The following USP4 variants were observed in gnomAD, a reference collection of about 807,000 sequenced individuals.
The protein encoded by USP4 is ubiquitin specific peptidase 4, also known as ubiquitin carboxyl-terminal hydrolase 4.
Under a neutral mutation model 118.2 loss-of-function variants are expected in USP4, and 72 were observed. The observed-to-expected ratio is 0.61, with a 90% CI of 0.50 to 0.74. The LOEUF (loss-of-function observed/expected upper bound fraction) is 0.74. Ranked by LOEUF, USP4 falls within the 30% of genes least tolerant of loss-of-function variation. USP4 has a pLI of 0.00. For synonymous variants in USP4, 415 were observed against 440.4 expected (o/e 0.94, Z 0.72); for missense variants, 1,037 against 1,185.7 (o/e 0.87, Z 1.84).
chr3:49,317,010 A>C (rs903460542), intron 6 of USP4: 42 of 778,708 alleles, frequency 5.4e-5, no homozygotes, highest in Non-Finnish European at 8.7e-5. Context: ...GCCATGAAGA[A>C]GACGCTCTGT....
intron 6 of USP4, among the ~76,000 whole-genome samples, chr3:49,319,868 C>T (rs752037983): frequency 2.6e-5 from 4 of 151,208 alleles, no homozygotes; most frequent in African/African-American, 7.3e-5. Flanking sequence ...CACCCACCTC[C>T]GCCTCCCAAA....
intron 1 of USP4, among the ~76,000 whole-genome samples, chr3:49,335,887 G>C (rs759247908): frequency 1.3e-5 from 2 of 151,936 alleles, no homozygotes; most frequent in Non-Finnish European, 2.9e-5. Context: ...TCTTTTAGAC[G>C]GAGTCTTGTT....
chr3:49,333,390 AG>A (rs771889939), intron 2 of USP4, among the ~76,000 whole-genome samples: 57 of 152,270 alleles, frequency 3.7e-4, no homozygotes, highest in Middle Eastern at 3.4e-3. Flanking sequence ...ACTTAAGTCC[AG>A]GAGGTTTACA....
chr3:49,281,491 T>TACACACACACACACACACAC (rs71077782), intron 19 of USP4, among the ~76,000 whole-genome samples: 2 of 126,498 alleles, frequency 1.6e-5, no homozygotes, highest in South Asian at 2.5e-4. Context: ...TATATATATA[T>TACACACACACACACACACAC]ACACACACAC....
chr3:49,324,610 A>T, intron 6 of USP4, 92 bp downstream of exon 6: 2 of 1,197,866 alleles, frequency 1.7e-6, no homozygotes, highest in Non-Finnish European at 2.5e-6. Context: ...CATCTGAATC[A>T]GAACAATTTT....
Position 49,282,650 on chromosome 3 carries a change from G to C in USP4, c.2540+1337C>G, listed in dbSNP as rs552412050. 3.2e-4 allele frequency among the ~76,000 whole-genome samples: 49 copies of C among 151,966 alleles called. No homozygotes were observed. In the South Asian group the frequency reaches 0.01, roughly 32 times the overall value. Reference sequence around the variant, plus strand: ...CTCCTGCTGACATGCTATACTTCATGTATCTATTCTTTCCCCCAGAAAGCA... The same window carrying C: ...CTCCTGCTGACATGCTATACTTCATCTATCTATTCTTTCCCCCAGAAAGCA... On this transcript the variant is annotated intron_variant, in intron 19 of 21. Coordinates refer to ENST00000265560, the MANE Select transcript of USP4 (RefSeq NM_003363.4).
Position 49,318,224 on chromosome 3 carries a change from C to T in USP4, c.695+6478G>A, listed in dbSNP as rs912606037. 12 of 660,988 alleles carry T rather than the reference C, an allele frequency of 1.8e-5. No homozygotes were observed. The African/African-American group carries it at 2.2e-4, about 12-fold the overall frequency. 40.9% of individuals were successfully genotyped at this position (660,988 alleles called of 1,614,324 possible). ...GCTCAAGCAATCTTCCCACATCAGC[C>T]TCTCAAACTGCTGGGATTACAGGCA... On this transcript the variant is annotated intron_variant, in intron 6 of 21. Transcript: ENST00000265560.
At chr3:49,339,029 C>A (rs1467347040) in intron 1 of USP4, among the ~76,000 whole-genome samples, 2 of 152,084 alleles carry the variant, frequency 1.3e-5, no homozygotes, top group Non-Finnish European at 2.9e-5. Context: ...AGCCTGTAAT[C>A]CCAGCTACTC....
In USP4 at chr3:49,294,544, G is replaced by A; in HGVS notation, c.1746C>T (p.Val582=). The change falls in exon 14 of 22, where the codon GTC becomes GTT. Residue 582 remains valine, a synonymous_variant. Transcript: ENST00000265560. ...GCCTGGACTTCCTCTCCCTGAAGTA[G>A]ACTGGAAGCGTGACACATTCCGAGC... is the stretch of plus-strand genomic sequence containing the variant. ...VDGSECVTLP[V]YFRERKSRPS... 3 of 1,614,188 alleles carry A rather than the reference G, an allele frequency of 1.9e-6. No individual in the cohort carries two copies. Among genetic ancestry groups the A allele is most frequent in the Non-Finnish European group, 2.5e-6 (3 of 1,180,028 alleles).
chr3:49,281,748 C>T (rs2047032218), intron 19 of USP4, among the ~76,000 whole-genome samples: 2 of 150,484 alleles, frequency 1.3e-5, no homozygotes, highest in South Asian at 4.2e-4. Flanking sequence ...CACAGTGGCT[C>T]ATGCCTGTAA....
chr3:49,291,472 G>T (rs1352349927), intron 15 of USP4, among the ~76,000 whole-genome samples: 1 of 151,442 alleles, frequency 6.6e-6, no homozygotes, highest in Non-Finnish European at 1.5e-5. Context: ...CTACTTGGGA[G>T]GCTGAGGTAG....
In USP4 at chr3:49,327,831, G is replaced by A. The variant is rs1342973359; in HGVS notation, c.230-15C>T. ...ACTCTCAGGATCTAAAAAAGGAAAA[G>A]AGCACATAAGTCACTGCTCTTTACC... On this transcript the variant is annotated splice_polypyrimidine_tract_variant and intron_variant, in intron 2 of 21. Coordinates refer to ENST00000265560, the MANE Select transcript of USP4 (RefSeq NM_003363.4). 1 of 1,611,976 alleles carries A rather than the reference G, an allele frequency of 6.2e-7. No individual in the cohort carries two copies. Among genetic ancestry groups the A allele is most frequent in the Non-Finnish European group, 8.5e-7 (1 of 1,178,258 alleles).
chr3:49,302,882 A>G (rs2047275629), intron 9 of USP4, among the ~76,000 whole-genome samples: 1 of 152,192 alleles, frequency 6.6e-6, no homozygotes, highest in African/African-American at 2.4e-5. Flanking sequence ...TAAACTCCAT[A>G]AGGACATTAC....
chr3:49,294,548 G>A lies in USP4; in HGVS notation c.1742C>T (p.Pro581Leu). 1 of 1,614,168 alleles carries A rather than the reference G, an allele frequency of 6.2e-7. No homozygotes were observed. The highest frequency in any genetic ancestry group is 8.5e-7 in the Non-Finnish European group (1 of 1,180,036). Reference sequence around the variant, plus strand: ...GGACTTCCTCTCCCTGAAGTAGACTGGAAGCGTGACACATTCCGAGCCATC... The same window carrying A: ...GGACTTCCTCTCCCTGAAGTAGACTAGAAGCGTGACACATTCCGAGCCATC... The part of the protein sequence containing the change: ...SVDGSECVTL[P>L]VYFRERKSRP... The change falls in exon 14 of 22, where the codon CCA becomes CTA. Residue 581 changes from proline to leucine, a missense_variant. This residue lies in a region of USP4 where 522 missense variants were observed against 592.6 expected (regional missense o/e 0.88). Transcript: ENST00000265560.
chr3:49,277,492 A>G lies in USP4; in HGVS notation c.*801T>C. On this transcript the variant is annotated 3_prime_UTR_variant, in exon 22 of 22. Coordinates refer to ENST00000265560, the MANE Select transcript of USP4 (RefSeq NM_003363.4). ...CATGAACTGGAGCCCTTTCCCGGCT[A>G]ACTCCCACAAAGATTTCTGTTCTCA... 4.8e-6 allele frequency: 1 copy of G among 210,486 alleles called. No homozygotes were observed. The highest frequency in any genetic ancestry group is 6.2e-5 in the South Asian group (1 of 16,178). 13.0% of individuals were successfully genotyped at this position (210,486 alleles called of 1,614,324 possible). A position where few individuals can be genotyped will look rare whatever the true frequency, so the allele number is the denominator to read the frequency against.
At position 49,325,861 on chromosome 3, in the gene USP4, A is replaced by G. The variant is rs777625623; in HGVS notation, c.361-16T>C. 1 of 1,612,744 alleles carries G rather than the reference A, an allele frequency of 6.2e-7. No homozygotes were observed. ...GCTCCACAACCTATGAACAAGAGGC[A>G]GGGGTGAGGGCATAGCGGTTTTGCA... On this transcript the variant is annotated splice_polypyrimidine_tract_variant and intron_variant, in intron 3 of 21. Transcript: ENST00000265560.
At chr3:49,280,696 G>A (rs1182962376) in intron 20 of USP4, 48 bp downstream of exon 20, 1 of 1,514,594 alleles carries the variant, frequency 6.6e-7, no homozygotes, top group Non-Finnish European at 9.2e-7. Flanking sequence ...AGAGATGATG[G>A]CCGAGCACAT....
In USP4 at chr3:49,311,511, T is replaced by C; in HGVS notation, c.836+3A>G. 6.2e-7 allele frequency: 1 copy of C among 1,613,108 alleles called. No individual in the cohort carries two copies. The highest frequency in any genetic ancestry group is 8.5e-7 in the Non-Finnish European group (1 of 1,179,530). ...GAAGCAGAGTGAAAGGACCTGCTCT[T>C]ACCCCCTGCTGACACCGGAACTGTG... On this transcript the variant is annotated splice_donor_region_variant and intron_variant, in intron 7 of 21. Coordinates refer to ENST00000265560, the MANE Select transcript of USP4 (RefSeq NM_003363.4).
rs200185271 is a variant in USP4, at chr3:49,327,676, C to T, written c.360+10G>A. The T allele has an allele frequency of 2.4e-4, 387 of 1,613,856 alleles. No homozygotes were observed. Among genetic ancestry groups the T allele is most frequent in the Non-Finnish European group, 3.2e-4 (375 of 1,179,912 alleles). The stretch of plus-strand genomic sequence containing the variant: ...AGTGACCAGCAGGTGGGACAATTCA[C>T]ATAACTCACTTTTCTGACGATGGGT... On this transcript the variant is annotated intron_variant, in intron 3 of 21. Coordinates refer to ENST00000265560, the MANE Select transcript of USP4 (RefSeq NM_003363.4).
Sources: allele counts gnomAD v4.1 joint callset (sites outside exome capture counted in the v4.1 genomes callset), GRCh38; gene constraint gnomAD v4.1.1; regional missense constraint gnomAD v4.1.1; transcripts MANE v1.5; gene names NCBI Gene and HGNC (gene_info 2026-07-23, HGNC 2026-07-21).